Variants in UBAP2 observed in about 807,000 individuals in gnomAD.
UBAP2 encodes ubiquitin associated protein 2, also known as ubiquitin-associated protein 2.
In UBAP2, 75 loss-of-function variants were observed where a neutral mutation model predicts 139.6. That is an observed-to-expected ratio of 0.54 (90% CI 0.45 to 0.65). The LOEUF is 0.65. Ranked by LOEUF, UBAP2 falls within the 30% of genes least tolerant of loss-of-function variation. UBAP2 has a pLI of 0.00. For synonymous variants in UBAP2, 526 were observed against 526.2 expected, an observed-to-expected ratio of 1.00 and a Z score of 0.01; for missense variants, 1,368 against 1,369.6, an observed-to-expected ratio of 1.00 and a Z score of 0.02.
intron 16 of UBAP2, among the ~76,000 whole-genome samples, chr9:33,939,831 A>G (rs1274916514): frequency 6.3e-4 from 2 of 3,152 alleles, no homozygotes; most frequent in Admixed American, 3.8e-3. Flanking sequence ...GAAGGGGGGG[A>G]GGAGGGGGAG....
At chr9:34,040,886 T>C (rs1827010966) in intron 1 of UBAP2, among the ~76,000 whole-genome samples, 1 of 152,162 alleles carries the variant, frequency 6.6e-6, no homozygotes, top group African/African-American at 2.4e-5. Context: ...GTGGTTCAGC[T>C]GACAAGCCTG....
intron 4 of UBAP2, among the ~76,000 whole-genome samples, chr9:33,989,438 T>A (rs561971069): frequency 2.6e-5 from 4 of 152,280 alleles, no homozygotes; most frequent in Non-Finnish European, 4.4e-5. Context: ...CCTGACCTCG[T>A]GATCTGCCCG....
chr9:33,933,705 C>A, intron 17 of UBAP2, 77 bp from the exon 18 acceptor site: 1 of 1,569,572 alleles, frequency 6.4e-7, no homozygotes, highest in South Asian at 1.2e-5. Flanking sequence ...AAAATATGCT[C>A]AATATCTTGT....
chr9:33,962,680 A>ATAAATAATTAATTAATTAAT (rs368021223), intron 9 of UBAP2, among the ~76,000 whole-genome samples: 2 of 145,554 alleles, frequency 1.4e-5, no homozygotes, highest in African/African-American at 5.1e-5. Context: ...AAATAAATAA[A>ATAAATAATTAATTAATTAAT]TAATTAAAAA....
intron 17 of UBAP2, chr9:33,935,495 G>C (rs546602906): frequency 8.8e-5 from 26 of 294,546 alleles, no homozygotes; most frequent in Non-Finnish European, 1.6e-4. Context: ...TCAAACTCCT[G>C]AGCTTGGGCA....
At chr9:33,994,624 A>C (rs1227441255) in intron 4 of UBAP2, 2 of 152,084 alleles carry the variant, frequency 1.3e-5, no homozygotes, top group African/African-American at 4.8e-5. Flanking sequence ...GTCAGTAAAC[A>C]AAAACTATTC....
intron 8 of UBAP2, among the ~76,000 whole-genome samples, chr9:33,967,224 G>C (rs531852324): frequency 1.3e-5 from 2 of 152,120 alleles, no homozygotes; most frequent in African/African-American, 2.4e-5. Context: ...TCTTGTGCTT[G>C]TGAAACTCTC....
At chr9:33,983,619 T>A (rs1820956008) in intron 6 of UBAP2, among the ~76,000 whole-genome samples, 1 of 152,204 alleles carries the variant, frequency 6.6e-6, no homozygotes, top group African/African-American at 2.4e-5. Flanking sequence ...TAGGGGTCAA[T>A]AAAGTCATTT....
At chr9:33,935,163 C>CGGGGG (rs11317017) in intron 17 of UBAP2, among the ~76,000 whole-genome samples, 24 of 87,900 alleles carry the variant, frequency 2.7e-4, no homozygotes, top group Non-Finnish European at 5.0e-4. Context: ...TTGGAAGTGG[C>CGGGGG]GGGGGGGGGG....
At chr9:34,030,653 A>G (rs1229604746) in intron 1 of UBAP2, among the ~76,000 whole-genome samples, 3 of 149,354 alleles carry the variant, frequency 2.0e-5, no homozygotes, top group Middle Eastern at 6.9e-3. Flanking sequence ...GGGGCCAGGC[A>G]CGGTGGCTCA....
intron 19 of UBAP2, 43 bp from the exon 20 acceptor site, chr9:33,928,035 G>A (rs1823623327): frequency 6.4e-7 from 1 of 1,574,454 alleles, no homozygotes; most frequent in Non-Finnish European, 8.6e-7. Context: ...GGAGGCAGAG[G>A]AGGAGGGTGC....
Position 33,935,840 on chromosome 9 carries a change from G to C in UBAP2, c.1968C>G (p.Asp656Glu), listed in dbSNP as rs371757895. 8.7e-6 allele frequency: 14 copies of C among 1,613,848 alleles called. No individual in the cohort carries two copies. In the African/African-American group the frequency reaches 1.7e-4, roughly 20 times the overall value. The change falls in exon 17 of 29, where the codon GAC (aspartate) becomes GAG (glutamate). Residue 656 changes from aspartate (D) to glutamate (E), a missense_variant and splice_region_variant. Coordinates refer to ENST00000379238, the MANE Select transcript of UBAP2 (RefSeq NM_001370062.2). ...AGAGTAGCTTGCTGCTATACTTACT[G>C]TCTAGTGTCTGCTGACTTCGACCAC... ...HGGGRSQQTL[D>E]TPKTTGPPSA...
intron 2 of UBAP2, among the ~76,000 whole-genome samples, chr9:34,004,015 C>T (rs1316850996): frequency 6.6e-6 from 1 of 152,158 alleles, no homozygotes; most frequent in African/African-American, 2.4e-5. Context: ...CCACCACGCC[C>T]AGCCCCAAAT....
At chr9:33,948,182 A>G (rs1825803118) in intron 13 of UBAP2, among the ~76,000 whole-genome samples, 192 bp downstream of exon 13, 1 of 152,162 alleles carries the variant, frequency 6.6e-6, no homozygotes, top group East Asian at 1.9e-4. Context: ...AACTATCAAG[A>G]ACAACAACAA....
At chr9:33,924,368 G>A (rs750331847) in intron 22 of UBAP2, 84 bp from the exon 23 acceptor site, 11 of 1,329,120 alleles carry the variant, frequency 8.3e-6, no homozygotes, top group South Asian at 2.4e-5. Context: ...AAGTGGTGAC[G>A]CCACACTCCT....
chr9:33,944,327 C>T, intron 14 of UBAP2, 38 bp downstream of exon 14: 1 of 1,597,622 alleles, frequency 6.3e-7, no homozygotes. Context: ...AAAAATAATT[C>T]CAGCTTTAGG....
chr9:33,977,166 G>C (rs1820205634), intron 6 of UBAP2, among the ~76,000 whole-genome samples: 1 of 150,788 alleles, frequency 6.6e-6, no homozygotes, highest in Non-Finnish European at 1.5e-5. Context: ...AGCCTCCTGA[G>C]TAGCTGGGAT....
intron 19 of UBAP2, among the ~76,000 whole-genome samples, chr9:33,929,800 G>A (rs910342291): frequency 2.6e-5 from 4 of 152,148 alleles, no homozygotes; most frequent in African/African-American, 9.7e-5. Context: ...TCAGGAGTTT[G>A]AGACCAGCCT....
chr9:33,941,888 A>C, intron 15 of UBAP2, 26 bp from the exon 16 acceptor site: 1 of 1,567,274 alleles, frequency 6.4e-7, no homozygotes. Flanking sequence ...AATATTCAAC[A>C]TAATTTTGTT....
Sources: gnomAD v4.1 joint callset for allele counts (sites outside exome capture counted in the v4.1 genomes callset) on GRCh38, gnomAD v4.1.1 for gene constraint, MANE v1.5 for transcripts, NCBI Gene and HGNC (gene_info 2026-07-23, HGNC 2026-07-21) for gene names.